FGD5: variants seen among roughly 807,000 people sequenced by gnomAD.
FGD5 encodes FYVE, RhoGEF and PH domain-containing protein 5.
A neutral mutation model predicts 133.4 loss-of-function variants in FGD5; 28 were observed. The ratio of observed to expected loss-of-function variants is 0.21; its 90% CI spans 0.16 to 0.29. The LOEUF (loss-of-function observed/expected upper bound fraction) is 0.29, where lower values mean the gene tolerates loss of function less well. Ranked by LOEUF, FGD5 falls within the 10% of genes least tolerant of loss-of-function variation. The probability of loss-of-function intolerance (pLI) is 1.00; values close to 1 mark genes in which losing one functional copy is unlikely to be tolerated. For synonymous variants in FGD5, 810 were observed against 776.5 expected (o/e 1.04, Z -0.72); for missense variants, 1,858 against 1,895.2 (o/e 0.98, Z 0.36).
rs1054272319 is a variant in FGD5 at position 14,917,782 on chromosome 3, T to C, written c.3489+450T>C. Among the ~76,000 whole-genome samples the C allele has an allele frequency of 5.3e-5, 8 of 152,324 alleles. No homozygotes were observed. The highest frequency in any genetic ancestry group is 5.2e-4 in the Admixed American group (8 of 15,298). On this transcript the variant is annotated intron_variant, in intron 12 of 19. Transcript: ENST00000285046. The surrounding 1 kb of genome is among the most constrained non-coding windows in gnomAD (Gnocchi z 4.1). Reference sequence around the variant, plus strand: ...CACCACCATCCATCTCAGAACTCTTTCCTCTCCCCAGACTGAAACTCTGCC... The same window carrying C: ...CACCACCATCCATCTCAGAACTCTTCCCTCTCCCCAGACTGAAACTCTGCC...
chr3:14,914,983 A>G (rs1242003192), intron 11 of FGD5, among the ~76,000 whole-genome samples: 1 of 152,268 alleles, frequency 6.6e-6, no homozygotes, highest in African/African-American at 2.4e-5. Context: ...GGCCAAAGCC[A>G]GCCAGACACC....
rs760255171 is a variant in FGD5 at position 14,932,655 on chromosome 3, G to C, written c.4276G>C (p.Gly1426Arg). Residue 1426 changes from glycine (G) to arginine (R), a missense_variant, in exon 19 of 20, where the codon GGA (glycine) becomes CGA (arginine). Physicochemically the swap from Gly to Arg is moderately radical, Grantham distance 125. This residue lies in a region of FGD5 where 1,824 missense variants were observed against 1,848.9 expected (regional missense o/e 0.99). Coordinates refer to ENST00000285046, the MANE Select transcript of FGD5 (RefSeq NM_152536.4). ...AAAGGAAGAGGGCAGCAGTGAAGTA[G>C]GACCTATTTTTCACCTTTACCACAA... ...PEKEEGSSEV[G>R]PIFHLYHKKT... is the part of the protein sequence containing the mutation. 6.2e-7 allele frequency: 1 copy of C among 1,614,030 alleles called. No individual in the cohort carries two copies. The highest frequency in any genetic ancestry group is 8.5e-7 in the Non-Finnish European group (1 of 1,179,880).
At chr3:14,916,308 G>A (rs188086009) in intron 11 of FGD5, among the ~76,000 whole-genome samples, 17 of 152,318 alleles carry the variant, frequency 1.1e-4, no homozygotes, top group Admixed American at 2.0e-4. Context: ...AACCCTGAGC[G>A]TGATGTCATC....
chr3:14,926,163 A>G lies in FGD5; in HGVS notation c.4162A>G (p.Lys1388Glu), dbSNP rs1353413687. 2 of 1,613,802 alleles carry G rather than the reference A, an allele frequency of 1.2e-6. No homozygotes were observed. Residue 1388 changes from lysine to glutamate, a missense_variant, in exon 18 of 20, where the codon AAA (lysine) becomes GAA (glutamate). By Grantham distance (56) the Lys-to-Glu change is moderately conservative (BLOSUM62 1). This residue lies in a region of FGD5 where 1,824 missense variants were observed against 1,848.9 expected (regional missense o/e 0.99). Coordinates refer to ENST00000285046, the MANE Select transcript of FGD5 (RefSeq NM_152536.4). Reference sequence around the variant, plus strand: ...CTGGAAGAAGCTCTGGTTTGTCATCAAAGGCAAAGTTCTCTACACCTACAT... The same window carrying G: ...CTGGAAGAAGCTCTGGTTTGTCATCGAAGGCAAAGTTCTCTACACCTACAT... ...RHWKKLWFVI[K>E]GKVLYTYMAS...
chr3:14,837,560 G>A (rs1390296825), intron 1 of FGD5, among the ~76,000 whole-genome samples: 1 of 152,148 alleles, frequency 6.6e-6, no homozygotes, highest in Admixed American at 6.5e-5. Flanking sequence ...CTCACTCTTT[G>A]GCCTGAGGAC....
intron 10 of FGD5, among the ~76,000 whole-genome samples, chr3:14,909,759 TTC>T (rs2038411306): frequency 6.8e-6 from 1 of 146,882 alleles, no homozygotes; most frequent in Non-Finnish European, 1.5e-5. Flanking sequence ...TTCTTTTCTT[TTC>T]TTTTTTTTTT....
chr3:14,866,222 C>T (rs1000025326), intron 2 of FGD5, among the ~76,000 whole-genome samples: 1 of 152,152 alleles, frequency 6.6e-6, no homozygotes, highest in Non-Finnish European at 1.5e-5. Flanking sequence ...TGAAAGAGAG[C>T]ACTAATAGTA....
At chr3:14,877,679 G>A (rs761494751) in intron 2 of FGD5, among the ~76,000 whole-genome samples, 16 of 152,242 alleles carry the variant, frequency 1.1e-4, no homozygotes, top group Non-Finnish European at 2.1e-4. Flanking sequence ...AGGATCCGGA[G>A]TGAGGAAGCC....
intron 4 of FGD5, among the ~76,000 whole-genome samples, chr3:14,885,168 CTG>C (rs760568499): frequency 3.3e-5 from 5 of 151,354 alleles, no homozygotes; most frequent in Non-Finnish European, 7.4e-5. Context: ...TCCTCTAGGT[CTG>C]TGCAGGTTAC....
intron 2 of FGD5, among the ~76,000 whole-genome samples, chr3:14,873,207 T>G (rs1432263148): frequency 1.3e-5 from 2 of 152,014 alleles, no homozygotes; most frequent in Non-Finnish European, 2.9e-5. Context: ...ATCTTTAAGG[T>G]TTTTCTGGGA....
chr3:14,817,517 G>A (rs1005482539), upstream of FGD5, among the ~76,000 whole-genome samples: 1 of 152,140 alleles, frequency 6.6e-6, no homozygotes, highest in Non-Finnish European at 1.5e-5. Context: ...TTTTTAATGT[G>A]CCTACAAGAT....
intron 1 of FGD5, among the ~76,000 whole-genome samples, chr3:14,834,563 G>A (rs1433152282): frequency 6.6e-6 from 1 of 152,220 alleles, no homozygotes. Flanking sequence ...GGGTTTCTGA[G>A]GAATGCAGTT....
At chr3:14,885,519 C>A (rs571051671) in intron 4 of FGD5, among the ~76,000 whole-genome samples, 3 of 152,306 alleles carry the variant, frequency 2.0e-5, no homozygotes, top group African/African-American at 7.2e-5. Context: ...TTGGTCACGT[C>A]CCACGGGCCT....
chr3:14,876,437 A>T (rs1224142597), intron 2 of FGD5, among the ~76,000 whole-genome samples: 4 of 152,216 alleles, frequency 2.6e-5, no homozygotes, highest in African/African-American at 9.7e-5. Context: ...TTAGAAAGTA[A>T]ATCAGAAAAT....
chr3:14,888,312 C>T (rs2037962749), intron 4 of FGD5, among the ~76,000 whole-genome samples: 1 of 152,030 alleles, frequency 6.6e-6, no homozygotes, highest in African/African-American at 2.4e-5. Context: ...AATAAGTGAA[C>T]GAGGCACACT....
At chr3:14,911,536 G>A (rs188038171) in intron 11 of FGD5, among the ~76,000 whole-genome samples, 52 of 152,042 alleles carry the variant, frequency 3.4e-4, no homozygotes, top group Admixed American at 2.4e-3. Flanking sequence ...GTTCCTGTCC[G>A]CCATGGCTGC....
chr3:14,907,596 T>C, intron 9 of FGD5, 44 bp from the exon 10 acceptor site: 1 of 1,580,552 alleles, frequency 6.3e-7, no homozygotes, highest in Non-Finnish European at 8.7e-7. Context: ...AGACGCCTGG[T>C]AGGGGCCCTG....
chr3:14,829,052 C>T (rs919172043), intron 1 of FGD5, among the ~76,000 whole-genome samples: 8 of 152,144 alleles, frequency 5.3e-5, no homozygotes, highest in Non-Finnish European at 1.0e-4. Flanking sequence ...CCTCGGCCTC[C>T]CAAAATGTTG....
intron 1 of FGD5, 114 bp from the exon 2 acceptor site, chr3:14,864,014 C>G (rs2037448648): frequency 5.5e-6 from 8 of 1,462,588 alleles, no homozygotes; most frequent in Non-Finnish European, 7.4e-6. Flanking sequence ...AATTTTGTGC[C>G]TGAGTCTTAC....
Sources: gnomAD v4.1 joint callset for allele counts (sites outside exome capture counted in the v4.1 genomes callset) on GRCh38, gnomAD v4.1.1 for gene constraint, gnomAD v4.1.1 regional missense constraint, Gnocchi (gnomAD v3.1) non-coding constraint, MANE v1.5 for transcripts, NCBI Gene and HGNC (gene_info 2026-07-23, HGNC 2026-07-21) for gene names.